Variants in MAGI3 observed in about 807,000 individuals in gnomAD.
MAGI3 encodes membrane associated guanylate kinase, WW and PDZ domain containing 3.
A neutral mutation model predicts 121.8 loss-of-function variants in MAGI3; 43 were observed. That is an observed-to-expected ratio of 0.35 (90% CI 0.28 to 0.46). MAGI3 has a LOEUF of 0.46. Among genes scored for constraint, MAGI3 ranks in the 20% least tolerant of loss-of-function variants. The pLI is 1.00. For synonymous variants in MAGI3, 553 were observed against 639.3 expected (o/e 0.86, Z 2.04); for missense variants, 1,547 against 1,797.3 (o/e 0.86, Z 2.52).
intron 14 of MAGI3, among the ~76,000 whole-genome samples, chr1:113,652,047 G>A (rs189768187): frequency 5.3e-5 from 8 of 152,294 alleles, no homozygotes; most frequent in Admixed American, 3.3e-4. Context: ...TGATTACTCA[G>A]AGAAAGGTTG....
intron 1 of MAGI3, among the ~76,000 whole-genome samples, chr1:113,402,877 A>T (rs560926243): frequency 6.6e-6 from 1 of 152,182 alleles, no homozygotes; most frequent in Non-Finnish European, 1.5e-5. Context: ...AAGAAAGGGG[A>T]TTGAGGTGGC....
intron 2 of MAGI3, among the ~76,000 whole-genome samples, chr1:113,568,384 A>T (rs1038133122): frequency 2.0e-5 from 3 of 152,114 alleles, no homozygotes; most frequent in Admixed American, 6.6e-5. Flanking sequence ...TTTCTTATTC[A>T]TGAATTAAAG....
intron 1 of MAGI3, among the ~76,000 whole-genome samples, chr1:113,429,789 C>T (rs943458034): frequency 6.6e-6 from 1 of 152,184 alleles, no homozygotes; most frequent in Non-Finnish European, 1.5e-5. Context: ...GGAGTAGCCT[C>T]TGATCCCTTT....
intron 19 of MAGI3, among the ~76,000 whole-genome samples, chr1:113,680,523 T>G (rs887041918): frequency 1.3e-5 from 2 of 152,072 alleles, no homozygotes; most frequent in Non-Finnish European, 2.9e-5. Context: ...TTTAGGAGGC[T>G]GAGGCGGGCG....
At position 113,493,699 on chromosome 1, in the gene MAGI3, A is replaced by C. The variant is rs187103954; in HGVS notation, c.317-55816A>C. Reference sequence around the variant, plus strand: ...ACAAGAAAAAGCAACCCCATTAAAAAGTGGGCAAAGAGCATGAACAGACAG... The same window carrying C: ...ACAAGAAAAAGCAACCCCATTAAAACGTGGGCAAAGAGCATGAACAGACAG... On this transcript the variant is annotated intron_variant, in intron 1 of 20. Coordinates refer to ENST00000307546, the MANE Select transcript of MAGI3 (RefSeq NM_001142782.2). Among the ~76,000 whole-genome samples the C allele has an allele frequency of 4.2e-4, 64 of 152,306 alleles. 1 individual carries two copies. Among genetic ancestry groups the C allele is most frequent in the East Asian group, 1.9e-4 (1 of 5,184 alleles).
chr1:113,660,616 ATTT>A (rs11363456), intron 16 of MAGI3, among the ~76,000 whole-genome samples: 21 of 129,290 alleles, frequency 1.6e-4, no homozygotes, highest in Non-Finnish European at 1.1e-4. Flanking sequence ...GATGCTCAGC[ATTT>A]TTTTTTTTTT....
At chr1:113,563,416 G>T (rs1285462492) in intron 2 of MAGI3, among the ~76,000 whole-genome samples, 2 of 152,168 alleles carry the variant, frequency 1.3e-5, no homozygotes, top group Non-Finnish European at 2.9e-5. Context: ...AAGGATACTG[G>T]AGAAAGAAGA....
At chr1:113,400,079 T>C (rs865848509) in intron 1 of MAGI3, among the ~76,000 whole-genome samples, 10 of 152,144 alleles carry the variant, frequency 6.6e-5, no homozygotes, top group African/African-American at 2.2e-4. Flanking sequence ...TATGGTGTCA[T>C]GTGGTAACTG....
chr1:113,414,341 T>C (rs930533537), intron 1 of MAGI3, among the ~76,000 whole-genome samples: 2 of 152,168 alleles, frequency 1.3e-5, no homozygotes, highest in Non-Finnish European at 2.9e-5. Context: ...AAAATTCTCT[T>C]TTTTTGTTGT....
chr1:113,492,837 G>T (rs1275576663), intron 1 of MAGI3, among the ~76,000 whole-genome samples: 2 of 152,046 alleles, frequency 1.3e-5, no homozygotes, highest in East Asian at 1.9e-4. Context: ...CAGCTAACCA[G>T]GGAGATGAAA....
chr1:113,475,727 T>C (rs539583293), intron 1 of MAGI3, among the ~76,000 whole-genome samples: 2 of 152,352 alleles, frequency 1.3e-5, no homozygotes, highest in South Asian at 4.1e-4. Context: ...GGTATTAGGA[T>C]CATGCTGGCC....
At chr1:113,539,407 A>AT (rs1422456568) in intron 1 of MAGI3, among the ~76,000 whole-genome samples, 2 of 151,772 alleles carry the variant, frequency 1.3e-5, no homozygotes. Flanking sequence ...AAAAAAAAAA[A>AT]GAAAAAGCAA....
intron 1 of MAGI3, among the ~76,000 whole-genome samples, chr1:113,392,308 G>T (rs924713886): frequency 1.3e-5 from 2 of 152,204 alleles, no homozygotes; most frequent in African/African-American, 4.8e-5. Flanking sequence ...AACATTATTA[G>T]AAACCAAACT....
intron 2 of MAGI3, among the ~76,000 whole-genome samples, chr1:113,569,238 A>G (rs926055014): frequency 1.3e-5 from 2 of 152,182 alleles, no homozygotes; most frequent in African/African-American, 4.8e-5. Flanking sequence ...TATGATACCT[A>G]TACACTTCAA....
intron 1 of MAGI3, among the ~76,000 whole-genome samples, chr1:113,414,945 A>C (rs1652222344): frequency 6.6e-6 from 1 of 152,042 alleles, no homozygotes; most frequent in South Asian, 2.1e-4. Context: ...TTATACCTGT[A>C]ACACTAATTC....
At chr1:113,648,111 C>T (rs530650452) in intron 12 of MAGI3, among the ~76,000 whole-genome samples, 380 of 152,094 alleles carry the variant, frequency 2.5e-3, no homozygotes, top group African/African-American at 8.6e-3. Flanking sequence ...TTAGTAGAGA[C>T]GGGGTTTCAC....
intron 1 of MAGI3, among the ~76,000 whole-genome samples, chr1:113,456,055 A>G (rs553325825): frequency 4.0e-5 from 6 of 148,788 alleles, no homozygotes; most frequent in Admixed American, 1.3e-4. Context: ...GGTTCACGCC[A>G]TTCTCCTGCC....
chr1:113,540,276 A>G (rs35390985), intron 1 of MAGI3, among the ~76,000 whole-genome samples: 80,543 of 152,126 alleles, frequency 0.53, 23,789 homozygotes, highest in East Asian at 0.74. Context: ...ACTATGCTAG[A>G]TATTTTGGAG....
intron 3 of MAGI3, among the ~76,000 whole-genome samples, chr1:113,581,589 C>T (rs1648028654): frequency 1.3e-5 from 2 of 152,086 alleles, no homozygotes; most frequent in Admixed American, 6.6e-5. Flanking sequence ...ACTTTCACCA[C>T]CTCATTGTAG....
Sources: gnomAD v4.1 joint callset for allele counts (sites outside exome capture counted in the v4.1 genomes callset) on GRCh38, gnomAD v4.1.1 for gene constraint, MANE v1.5 for transcripts, NCBI Gene and HGNC (gene_info 2026-07-23, HGNC 2026-07-21) for gene names.